The following CDK6 variants were observed in gnomAD, a reference collection of about 807,000 sequenced individuals.
CDK6 encodes cyclin dependent kinase 6.
A neutral mutation model predicts 37.1 loss-of-function variants in CDK6; 6 were observed. That is an observed-to-expected ratio of 0.16 (90% CI 0.09 to 0.32). The LOEUF is 0.32. Ranked by LOEUF, CDK6 falls within the 10% of genes least tolerant of loss-of-function variation. The pLI, the probability that CDK6 is intolerant of heterozygous loss-of-function variation, is 1.00. For missense variants in CDK6, 224 were observed against 418.9 expected, an observed-to-expected ratio of 0.53 and a Z score of 4.06; for synonymous variants, 160 against 161.3, an observed-to-expected ratio of 0.99 and a Z score of 0.06.
intron 2 of CDK6, among the ~76,000 whole-genome samples, chr7:92,811,740 T>C (rs1164963369): frequency 6.6e-6 from 1 of 152,126 alleles, no homozygotes; most frequent in African/African-American, 2.4e-5. Context: ...ATGCACATAA[T>C]ATTAGAATTT....
At chr7:92,730,164 A>G (rs945412808) in intron 3 of CDK6, among the ~76,000 whole-genome samples, 1 of 152,264 alleles carries the variant, frequency 6.6e-6, no homozygotes, top group African/African-American at 2.4e-5. Flanking sequence ...ATATAGGGAT[A>G]TATCTTGTGA....
chr7:92,833,243 C>T lies in CDK6; in HGVS notation c.81G>A (p.Val27=). The change falls in exon 2 of 8, where the codon GTG becomes GTA. Residue 27 remains valine, a synonymous_variant. Coordinates refer to ENST00000424848, the MANE Select transcript of CDK6 (RefSeq NM_001145306.2). The surrounding 1 kb of genome is among the most constrained non-coding windows in gnomAD (Gnocchi z 6.1). ...AEIGEGAYGK[V]FKARDLKNGG... is the part of the protein sequence containing the mutation. ...CGTTCTTCAAGTCGCGGGCCTTGAA[C>T]ACCTTCCCATAGGCGCCCTCCCCGA... is the stretch of plus-strand genomic sequence containing the variant. 2.5e-6 allele frequency: 4 copies of T among 1,610,922 alleles called. No individual in the cohort carries two copies. Among genetic ancestry groups the T allele is most frequent in the Non-Finnish European group, 3.4e-6 (4 of 1,179,162 alleles).
At chr7:92,802,658 T>C (rs962627259) in intron 2 of CDK6, among the ~76,000 whole-genome samples, 1 of 152,224 alleles carries the variant, frequency 6.6e-6, no homozygotes, top group Non-Finnish European at 1.5e-5. Flanking sequence ...GAGTTTACAA[T>C]ATATGATCAT....
intron 5 of CDK6, among the ~76,000 whole-genome samples, chr7:92,631,970 C>T (rs1033927472): frequency 2.0e-5 from 3 of 152,186 alleles, no homozygotes; most frequent in Non-Finnish European, 4.4e-5. Context: ...CTAATAGAGA[C>T]ATTTCAACAG....
At chr7:92,829,175 T>A (rs576354976) in intron 2 of CDK6, among the ~76,000 whole-genome samples, 18 of 152,180 alleles carry the variant, frequency 1.2e-4, no homozygotes, top group Non-Finnish European at 2.2e-4. Flanking sequence ...ATGCAATATA[T>A]TACTAAGATC....
intron 4 of CDK6, among the ~76,000 whole-genome samples, chr7:92,708,475 G>A (rs763510617): frequency 1.3e-5 from 2 of 152,098 alleles, no homozygotes; most frequent in Non-Finnish European, 2.9e-5. Context: ...GTCATATAAC[G>A]ACCACAAGTG....
At chr7:92,719,189 G>C (rs1249991321) in intron 4 of CDK6, among the ~76,000 whole-genome samples, 1 of 152,124 alleles carries the variant, frequency 6.6e-6, no homozygotes, top group African/African-American at 2.4e-5. Flanking sequence ...TTGTTACATA[G>C]GTAAACGTGT....
Position 92,610,267 on chromosome 7 carries a change from CTTG to C in CDK6, c.*4870_*4872del, listed in dbSNP as rs1469346079. The stretch of plus-strand genomic sequence containing the variant: ...AGCCTGTATTTATTTTCAGGTGGCT[CTTG>C]TTTTCTTCCTAAGGCTAGACAAGGT... On this transcript the variant is annotated 3_prime_UTR_variant, in exon 8 of 8. Transcript: ENST00000424848. 8.6e-6 allele frequency: 2 copies of C among 232,204 alleles called. No individual in the cohort carries two copies. Among genetic ancestry groups the C allele is most frequent in the African/African-American group, 4.4e-5 (2 of 45,296 alleles). The allele number at this position is 232,204 out of a possible 1,614,324, so 14.4% of individuals were successfully genotyped here.
intron 4 of CDK6, among the ~76,000 whole-genome samples, chr7:92,703,576 T>C (rs1797903324): frequency 6.6e-6 from 1 of 152,218 alleles, no homozygotes. Flanking sequence ...ACATGTTTTA[T>C]GACATGAATG....
intron 5 of CDK6, among the ~76,000 whole-genome samples, chr7:92,669,255 C>G (rs181187885): frequency 1.6e-4 from 25 of 152,222 alleles, no homozygotes; most frequent in Non-Finnish European, 3.7e-4. Flanking sequence ...GAGGATTCTG[C>G]AAGCTAGGCT....
Position 92,807,608 on chromosome 7 carries a change from ATTATT to A in CDK6, c.233+25478_233+25482del, listed in dbSNP as rs543563055. 7.6e-4 allele frequency among the ~76,000 whole-genome samples: 116 copies of A among 151,972 alleles called. 2 individuals are homozygous for A. The Middle Eastern group carries it at 0.021, about 27-fold the overall frequency. ...CATATTATTTTTCTTCTGGTTTCTC[ATTATT>A]TTATTCTCCACCTAAACTTCCTGCT... is the stretch of plus-strand genomic sequence containing the variant. On this transcript the variant is annotated intron_variant, in intron 2 of 7. Transcript: ENST00000424848.
At chr7:92,776,755 G>C (rs1799861104) in intron 2 of CDK6, among the ~76,000 whole-genome samples, 1 of 151,898 alleles carries the variant, frequency 6.6e-6, no homozygotes, top group Admixed American at 6.5e-5. Context: ...TTTTTGATGG[G>C]GTTGTTTTTT....
chr7:92,688,581 TCACACACACACACACACACACACACA>T (rs35953301), intron 4 of CDK6, among the ~76,000 whole-genome samples: 5 of 127,576 alleles, frequency 3.9e-5, no homozygotes, highest in East Asian at 4.7e-4. Context: ...TACATATACA[TCACACACACACACACACACACACACA>T]CACACACACA....
chr7:92,629,009 G>T (rs148005558), intron 5 of CDK6, among the ~76,000 whole-genome samples: 2 of 152,064 alleles, frequency 1.3e-5, no homozygotes, highest in African/African-American at 4.8e-5. Flanking sequence ...AGGAGAGTGG[G>T]GAGGGGAAAG....
At chr7:92,653,607 C>A (rs1796625307) in intron 5 of CDK6, among the ~76,000 whole-genome samples, 1 of 152,116 alleles carries the variant, frequency 6.6e-6, no homozygotes, top group African/African-American at 2.4e-5. Flanking sequence ...AATGAGTTTT[C>A]TGTATTCACA....
intron 7 of CDK6, among the ~76,000 whole-genome samples, chr7:92,616,570 C>A (rs1795682317): frequency 6.6e-6 from 1 of 152,200 alleles, no homozygotes; most frequent in Non-Finnish European, 1.5e-5. Context: ...AAAAGCTTTG[C>A]AAGGGCTGAA....
rs141791868 is a variant in CDK6 at position 92,694,867 on chromosome 7, A to C, written c.538-23332T>G. ...CCACAGCAAAAAGGAATGACATGGGATATAATTTTTCTGTTCCTACCTATT... is the reference window on the plus strand; with the variant it reads ...CCACAGCAAAAAGGAATGACATGGGCTATAATTTTTCTGTTCCTACCTATT... On this transcript the variant is annotated intron_variant, in intron 4 of 7. Coordinates refer to ENST00000424848, the MANE Select transcript of CDK6 (RefSeq NM_001145306.2). Among the ~76,000 whole-genome samples, 343 of 152,308 alleles carry C rather than the reference A, an allele frequency of 2.3e-3. 1 individual carries two copies. The highest frequency in any genetic ancestry group is 8.0e-3 in the African/African-American group (332 of 41,582).
At chr7:92,819,887 TAAAAG>T (rs1406815740) in intron 2 of CDK6, among the ~76,000 whole-genome samples, 1 of 151,670 alleles carries the variant, frequency 6.6e-6, no homozygotes, top group African/African-American at 2.4e-5. Flanking sequence ...GAAAAAAGAT[TAAAAG>T]AAGAGACACA....
At chr7:92,651,605 T>G (rs573723159) in intron 5 of CDK6, among the ~76,000 whole-genome samples, 1 of 152,194 alleles carries the variant, frequency 6.6e-6, no homozygotes, top group Non-Finnish European at 1.5e-5. Flanking sequence ...CATAATGAAT[T>G]GCTCTAGACC....
Sources: gnomAD v4.1 joint callset for allele counts (sites outside exome capture counted in the v4.1 genomes callset) on GRCh38, gnomAD v4.1.1 for gene constraint, Gnocchi (gnomAD v3.1) non-coding constraint, MANE v1.5 for transcripts, NCBI Gene and HGNC (gene_info 2026-07-23, HGNC 2026-07-21) for gene names.